The following DCDC2 variants were observed in gnomAD, a reference collection of about 807,000 sequenced individuals.
The protein encoded by DCDC2 is doublecortin domain-containing protein 2.
A neutral mutation model predicts 50.2 loss-of-function variants in DCDC2; 40 were observed. The ratio of observed to expected loss-of-function variants is 0.80; its 90% CI spans 0.62 to 1.04. The LOEUF (loss-of-function observed/expected upper bound fraction) is 1.04. Ranked by LOEUF, DCDC2 falls within the 50% of genes least tolerant of loss-of-function variation. The pLI, the probability that DCDC2 is intolerant of heterozygous loss-of-function variation, is 0.00. For missense variants in DCDC2, 570 were observed against 581.9 expected (o/e 0.98, Z 0.21); for synonymous variants, 234 against 210.6 (o/e 1.11, Z -0.96).
chr6:24,227,899 A>C (rs1167493919), intron 7 of DCDC2, among the ~76,000 whole-genome samples: 4 of 152,236 alleles, frequency 2.6e-5, no homozygotes, highest in Non-Finnish European at 5.9e-5. Context: ...AGGAAGGAAG[A>C]GATTAAAGAC....
At chr6:24,368,576 T>C in the DCDC2 span, among the ~76,000 whole-genome samples, 19 of 152,104 alleles carry the variant, frequency 1.2e-4, no homozygotes, top group Admixed American at 1.2e-3. Context: ...TAGTTGTCAA[T>C]ATGGAATTTG....
chr6:24,226,941 G>T (rs1455212923), intron 7 of DCDC2, among the ~76,000 whole-genome samples: 1 of 152,200 alleles, frequency 6.6e-6, no homozygotes, highest in Admixed American at 6.5e-5. Context: ...TACTCGGGAG[G>T]CAGCCAGGAT....
intron 7 of DCDC2, among the ~76,000 whole-genome samples, chr6:24,269,743 TC>T (rs962448685): frequency 2.0e-5 from 3 of 151,964 alleles, no homozygotes; most frequent in African/African-American, 7.2e-5. Flanking sequence ...GGGGATTTGA[TC>T]ATTTGATACA....
At chr6:24,339,876 G>A in intron 2 of DCDC2, among the ~76,000 whole-genome samples, 1 of 152,178 alleles carries the variant, frequency 6.6e-6, no homozygotes, top group East Asian at 1.9e-4. Context: ...CATCAAAATT[G>A]ATCCACTAAC....
Position 24,357,670 on chromosome 6 carries a change from G to T in DCDC2, c.81C>A (p.Pro27=), listed in dbSNP as rs1273363555. The part of the protein sequence containing the change: ...KSVLVYRNGD[P]FYAGRRVVIH... ...TGACGACGCGGCGCCCCGCGTAGAA[G>T]GGGTCCCCGTTGCGGTACACAAGCA... Residue 27 remains proline, a synonymous_variant, in exon 1 of 10, where the codon CCC becomes CCA. Coordinates refer to ENST00000378454, the MANE Select transcript of DCDC2 (RefSeq NM_016356.5). The T allele has an allele frequency of 6.2e-7, 1 of 1,613,426 alleles. No individual in the cohort carries two copies. The highest frequency in any genetic ancestry group is 1.7e-5 in the Admixed American group (1 of 60,030).
At chr6:24,232,152 A>T (rs535325311) in intron 7 of DCDC2, among the ~76,000 whole-genome samples, 2 of 152,344 alleles carry the variant, frequency 1.3e-5, no homozygotes, top group East Asian at 3.9e-4. Context: ...CATGTCTGAA[A>T]TATCAGGAAT....
intron 7 of DCDC2, among the ~76,000 whole-genome samples, chr6:24,273,839 C>G (rs982467758): frequency 6.6e-6 from 1 of 152,216 alleles, no homozygotes; most frequent in Non-Finnish European, 1.5e-5. Context: ...CATGACTGCT[C>G]AAGGGCAGTC....
rs374324451 is a variant in DCDC2 at position 24,357,787 on chromosome 6, C to G, written c.-37G>C. The G allele has an allele frequency of 1.1e-5, 17 of 1,611,704 alleles. No individual in the cohort carries two copies. In the African/African-American group the frequency reaches 2.1e-4, roughly 20 times the overall value. On this transcript the variant is annotated 5_prime_UTR_variant, in exon 1 of 10. Transcript: ENST00000378454. ...GCCGCCGCCTCAGCTCGCTGCTTCG[C>G]GTCGGGAGGCACCTCCGCTGTCCCA... is the stretch of plus-strand genomic sequence containing the variant.
the DCDC2 span, among the ~76,000 whole-genome samples, chr6:24,376,712 T>C: frequency 3.2e-5 from 3 of 94,290 alleles, no homozygotes; most frequent in Middle Eastern, 0.012. Context: ...GTTTGAGACA[T>C]GAAAGTGAGG....
chr6:24,279,518 T>A (rs979697178), intron 6 of DCDC2, among the ~76,000 whole-genome samples: 16 of 152,110 alleles, frequency 1.1e-4, no homozygotes, highest in Admixed American at 3.9e-4. Context: ...GAGTTTGAGA[T>A]TGCAGTGTGC....
intron 6 of DCDC2, among the ~76,000 whole-genome samples, 169 bp from the exon 7 acceptor site, chr6:24,278,380 G>A (rs768657726): frequency 6.6e-6 from 1 of 152,166 alleles, no homozygotes; most frequent in Non-Finnish European, 1.5e-5. Flanking sequence ...TATCTTCCTG[G>A]AGGCAAAAGG....
At chr6:24,349,274 G>A (rs1760320629) in intron 2 of DCDC2, among the ~76,000 whole-genome samples, 1 of 152,216 alleles carries the variant, frequency 6.6e-6, no homozygotes, top group Admixed American at 6.5e-5. Flanking sequence ...TTATGATGTA[G>A]TACTAGAGAT....
intron 4 of DCDC2, among the ~76,000 whole-genome samples, chr6:24,293,532 T>TAA (rs1763797163): frequency 6.6e-6 from 1 of 152,164 alleles, no homozygotes; most frequent in Non-Finnish European, 1.5e-5. Context: ...CCCAGATTCA[T>TAA]AAAGCAAGTT....
chr6:24,294,890 G>A (rs1763829305), intron 4 of DCDC2, among the ~76,000 whole-genome samples: 2 of 152,046 alleles, frequency 1.3e-5, no homozygotes. Flanking sequence ...TCTACCAGAT[G>A]TACAAAATGT....
intron 7 of DCDC2, among the ~76,000 whole-genome samples, chr6:24,273,280 G>A (rs1190971768): frequency 6.6e-6 from 1 of 152,146 alleles, no homozygotes; most frequent in Non-Finnish European, 1.5e-5. Context: ...ACTCGGAAAG[G>A]CGGAAGGGTG....
intron 7 of DCDC2, among the ~76,000 whole-genome samples, chr6:24,227,991 C>T (rs1387238275): frequency 6.6e-6 from 1 of 152,242 alleles, no homozygotes; most frequent in Non-Finnish European, 1.5e-5. Flanking sequence ...CTGCCACCTC[C>T]TTCCTTCTCT....
At chr6:24,261,039 T>C (rs574323749) in intron 7 of DCDC2, among the ~76,000 whole-genome samples, 4 of 152,222 alleles carry the variant, frequency 2.6e-5, no homozygotes, top group Admixed American at 2.0e-4. Context: ...GGGAACTGTC[T>C]ATGCTTTTAA....
At chr6:24,359,355 ATGTATATTATATAT>A (rs1760603284), upstream of DCDC2, among the ~76,000 whole-genome samples, 2 of 33,480 alleles carry the variant, frequency 6.0e-5, no homozygotes, top group Non-Finnish European at 9.5e-5. Context: ...TATATATTTT[ATGTATATTATATAT>A]TATATATATT....
chr6:24,354,907 G>C (rs1760437528), intron 1 of DCDC2, among the ~76,000 whole-genome samples: 1 of 152,164 alleles, frequency 6.6e-6, no homozygotes, highest in Admixed American at 6.5e-5. Flanking sequence ...GCAGCGATTT[G>C]ATCAGTTCCA....
Sources: gnomAD v4.1 joint callset for allele counts (sites outside exome capture counted in the v4.1 genomes callset) on GRCh38, gnomAD v4.1.1 for gene constraint, MANE v1.5 for transcripts, NCBI Gene and HGNC (gene_info 2026-07-23, HGNC 2026-07-21) for gene names.